The following TNFRSF19 variants were observed in gnomAD, a reference collection of about 807,000 sequenced individuals.
The protein encoded by TNFRSF19 is tumor necrosis factor receptor superfamily member 19.
Under a neutral mutation model 46.4 loss-of-function variants are expected in TNFRSF19, and 27 were observed. The observed-to-expected ratio is 0.58, with a 90% CI of 0.43 to 0.80. TNFRSF19 has a LOEUF of 0.80. Ranked by LOEUF, TNFRSF19 falls within the 30% of genes least tolerant of loss-of-function variation. The pLI is 0.00. For missense variants in TNFRSF19, 511 were observed against 530.8 expected, an observed-to-expected ratio of 0.96 and a Z score of 0.37; for synonymous variants, 204 against 205.0, an observed-to-expected ratio of 1.00 and a Z score of 0.04.
At position 23,658,957 on chromosome 13, in the gene TNFRSF19, G is replaced by A. The variant is rs1460009953; in HGVS notation, c.446-93G>A. ...CTCATGCCAGTTTTCTCACAGCATGGGAAGGCCACTGGTAAGGGTGCCTGC... is the reference window on the plus strand; with the variant it reads ...CTCATGCCAGTTTTCTCACAGCATGAGAAGGCCACTGGTAAGGGTGCCTGC... On this transcript the variant is annotated intron_variant, in intron 5 of 9. Transcript: ENST00000248484. The A allele has an allele frequency of 2.6e-6, 4 of 1,533,526 alleles. No individual in the cohort carries two copies. The Admixed American group carries it at 6.7e-5, about 26-fold the overall frequency. 95.0% of individuals were successfully genotyped at this position (1,533,526 alleles called of 1,614,324 possible). A position where few individuals can be genotyped will look rare whatever the true frequency, so the allele number is the denominator to read the frequency against.
Position 23,588,280 on chromosome 13 carries a change from G to A in TNFRSF19, c.-34-1870G>A, listed in dbSNP as rs1878989584. On this transcript the variant is annotated intron_variant, in intron 1 of 9. Coordinates refer to ENST00000248484, the MANE Select transcript of TNFRSF19 (RefSeq NM_148957.4). ...ATAAGTAGTGGTCTCAATAACAACA[G>A]CAGCAGTAACAGCATCAGCAACTGC... 1.3e-5 allele frequency among the ~76,000 whole-genome samples: 2 copies of A among 152,180 alleles called. 1 individual carries two copies. Among genetic ancestry groups the A allele is most frequent in the South Asian group, 4.1e-4 (2 of 4,834 alleles).
chr13:23,595,527 T>A (rs1016624576), intron 3 of TNFRSF19, among the ~76,000 whole-genome samples: 4 of 151,918 alleles, frequency 2.6e-5, no homozygotes, highest in Admixed American at 6.6e-5. Context: ...AAAATCAACT[T>A]AATGAAATAA....
At chr13:23,652,350 A>G (rs994857913) in intron 5 of TNFRSF19, among the ~76,000 whole-genome samples, 1 of 152,236 alleles carries the variant, frequency 6.6e-6, no homozygotes, top group Non-Finnish European at 1.5e-5. Flanking sequence ...TTGTGTTGGA[A>G]GAAGTGGTTC....
At chr13:23,654,234 G>A (rs1883832847) in intron 5 of TNFRSF19, among the ~76,000 whole-genome samples, 1 of 152,202 alleles carries the variant, frequency 6.6e-6, no homozygotes, top group Non-Finnish European at 1.5e-5. Flanking sequence ...TAAGCAAGTA[G>A]GGAGTAGCAG....
At chr13:23,584,132 G>GAGTA (rs35420266) in intron 1 of TNFRSF19, among the ~76,000 whole-genome samples, 52,480 of 151,496 alleles carry the variant, frequency 0.35, 9,652 homozygotes, top group East Asian at 0.47. Context: ...TTGGTTGCAT[G>GAGTA]AGTTCTTCAG....
chr13:23,675,394 A>T lies in TNFRSF19; in HGVS notation c.*2014A>T, dbSNP rs1378632826. 1.3e-5 allele frequency: 2 copies of T among 152,212 alleles called. No homozygotes were observed. The highest frequency in any genetic ancestry group is 4.8e-5 in the African/African-American group (2 of 41,448). The allele number at this position is 152,212 out of a possible 1,614,324, so 9.4% of individuals were successfully genotyped here. On this transcript the variant is annotated 3_prime_UTR_variant, in exon 10 of 10. Transcript: ENST00000248484. ...GAGCCCTGATTAACTTCAAGGACAA[A>T]CACTGGCTGGAGAAAGCCAGACTGA...
intron 5 of TNFRSF19, among the ~76,000 whole-genome samples, chr13:23,634,892 T>C (rs1882577384): frequency 6.6e-6 from 1 of 152,094 alleles, no homozygotes; most frequent in Non-Finnish European, 1.5e-5. Flanking sequence ...TCTAGCCACT[T>C]CCTAGGGGGT....
chr13:23,590,085 A>G (rs1266800786), intron 1 of TNFRSF19, 65 bp from the exon 2 acceptor site: 6 of 740,430 alleles, frequency 8.1e-6, no homozygotes, highest in African/African-American at 1.8e-5. Flanking sequence ...TAGATATTAT[A>G]TAGTAAACAA....
intron 4 of TNFRSF19, among the ~76,000 whole-genome samples, chr13:23,625,023 A>T (rs181551564): frequency 1.8e-4 from 28 of 152,284 alleles, no homozygotes; most frequent in Non-Finnish European, 3.8e-4. Flanking sequence ...AAGTGCTGGG[A>T]TTACAGGCGT....
At chr13:23,627,965 C>T (rs1478279648) in intron 5 of TNFRSF19, among the ~76,000 whole-genome samples, 2 of 152,202 alleles carry the variant, frequency 1.3e-5, no homozygotes, top group African/African-American at 2.4e-5. Flanking sequence ...TATCGATCCT[C>T]ATTTTTATAA....
intron 2 of TNFRSF19, among the ~76,000 whole-genome samples, chr13:23,590,659 C>T (rs1879206952): frequency 6.6e-6 from 1 of 152,112 alleles, no homozygotes; most frequent in Admixed American, 6.6e-5. Flanking sequence ...ATTTCTGATC[C>T]AATATTATGT....
At chr13:23,595,970 A>G (rs1879691812) in intron 3 of TNFRSF19, among the ~76,000 whole-genome samples, 1 of 152,210 alleles carries the variant, frequency 6.6e-6, no homozygotes, top group South Asian at 2.1e-4. Context: ...ATTCTTAAAG[A>G]AAAGAATTTT....
At chr13:23,608,586 A>G (rs1454779071) in intron 3 of TNFRSF19, among the ~76,000 whole-genome samples, 1 of 152,198 alleles carries the variant, frequency 6.6e-6, no homozygotes, top group Non-Finnish European at 1.5e-5. Flanking sequence ...GCCTAGTGCA[A>G]TTCTCTCTGA....
intron 2 of TNFRSF19, among the ~76,000 whole-genome samples, chr13:23,590,459 C>A (rs1234581358): frequency 6.6e-6 from 1 of 152,118 alleles, no homozygotes; most frequent in Non-Finnish European, 1.5e-5. Flanking sequence ...CTCAGCCTCC[C>A]GAGTCACTGG....
chr13:23,574,723 A>C (rs1387315949), intron 1 of TNFRSF19, among the ~76,000 whole-genome samples: 1 of 152,112 alleles, frequency 6.6e-6, no homozygotes, highest in Non-Finnish European at 1.5e-5. Context: ...AACGTTGTCC[A>C]CCTGGGTGAG....
At chr13:23,607,936 G>A (rs1374695287) in intron 3 of TNFRSF19, among the ~76,000 whole-genome samples, 1 of 152,154 alleles carries the variant, frequency 6.6e-6, no homozygotes, top group East Asian at 1.9e-4. Flanking sequence ...TTCTTTGGAA[G>A]GCATTCAATT....
At chr13:23,604,768 A>G (rs1880401584) in intron 3 of TNFRSF19, among the ~76,000 whole-genome samples, 1 of 152,308 alleles carries the variant, frequency 6.6e-6, no homozygotes, top group Admixed American at 6.5e-5. Context: ...AGTCTTCAAC[A>G]AATGGATCTA....
rs951774074 is a variant in TNFRSF19, at chr13:23,570,446, C to A, written c.-437C>A. 1 of 152,306 alleles carries A rather than the reference C, an allele frequency of 6.6e-6. No individual in the cohort carries two copies. Among genetic ancestry groups the A allele is most frequent in the Non-Finnish European group, 1.5e-5 (1 of 68,120 alleles). 9.4% of individuals were successfully genotyped at this position (152,306 alleles called of 1,614,324 possible). ...AGCTTCCAACACACAGTCCACAACA[C>A]AGCTTGGGAACCAAAAAAGCTACAG... On this transcript the variant is annotated 5_prime_UTR_variant, in exon 1 of 10. Transcript: ENST00000248484.
At chr13:23,585,023 A>T (rs1878720770) in intron 1 of TNFRSF19, among the ~76,000 whole-genome samples, 1 of 152,190 alleles carries the variant, frequency 6.6e-6, no homozygotes, top group African/African-American at 2.4e-5. Context: ...TTTCTAAGTC[A>T]TTCGTGATTA....
Sources: allele counts gnomAD v4.1 joint callset (sites outside exome capture counted in the v4.1 genomes callset), GRCh38; gene constraint gnomAD v4.1.1; transcripts MANE v1.5; gene names NCBI Gene and HGNC (gene_info 2026-07-23, HGNC 2026-07-21).